The following GABRB1 variants were observed in gnomAD, a reference collection of about 807,000 sequenced individuals.
GABRB1 encodes gamma-aminobutyric acid receptor subunit beta-1.
GABRB1 carries 17 observed loss-of-function variants against 51.6 expected under a neutral mutation model. That is an observed-to-expected ratio of 0.33 (90% CI 0.23 to 0.49). GABRB1 has a LOEUF of 0.49. Ranked by LOEUF, GABRB1 falls within the 20% of genes least tolerant of loss-of-function variation. GABRB1 has a pLI of 0.99. For synonymous variants in GABRB1, 247 were observed against 218.9 expected (o/e 1.13, Z -1.14); for missense variants, 410 against 600.6 (o/e 0.68, Z 3.32).
chr4:47,074,276 G>A (rs957456830), intron 3 of GABRB1, among the ~76,000 whole-genome samples: 1 of 152,134 alleles, frequency 6.6e-6, no homozygotes, highest in Non-Finnish European at 1.5e-5. Context: ...ATGCTCAAAC[G>A]TATCATTGAA....
chr4:47,218,513 T>G (rs185892385), intron 4 of GABRB1, among the ~76,000 whole-genome samples: 4 of 152,092 alleles, frequency 2.6e-5, no homozygotes, highest in Admixed American at 2.6e-4. Context: ...TTTGTCTTTT[T>G]GATTATAGCC....
At chr4:47,227,701 G>A (rs538720522) in intron 4 of GABRB1, among the ~76,000 whole-genome samples, 29 of 152,228 alleles carry the variant, frequency 1.9e-4, no homozygotes, top group African/African-American at 6.3e-4. Context: ...TAGTTTGGTA[G>A]GGCTGCCATA....
At chr4:47,219,269 G>A (rs1720675145) in intron 4 of GABRB1, among the ~76,000 whole-genome samples, 1 of 151,766 alleles carries the variant, frequency 6.6e-6, no homozygotes, top group Admixed American at 6.6e-5. Context: ...AATTCTATAA[G>A]GAATTGGCTG....
At chr4:47,051,214 T>C (rs964695228) in intron 3 of GABRB1, among the ~76,000 whole-genome samples, 1 of 152,118 alleles carries the variant, frequency 6.6e-6, no homozygotes, top group African/African-American at 2.4e-5. Flanking sequence ...TAATGGGCAA[T>C]ATCCGGAATA....
chr4:47,309,923 C>G (rs1724606328), intron 4 of GABRB1, among the ~76,000 whole-genome samples: 1 of 152,072 alleles, frequency 6.6e-6, no homozygotes, highest in Admixed American at 6.5e-5. Flanking sequence ...AAAGTGATAG[C>G]AGCTACTGTT....
intron 4 of GABRB1, among the ~76,000 whole-genome samples, chr4:47,265,537 G>A (rs1349024488): frequency 6.6e-6 from 1 of 152,088 alleles, no homozygotes; most frequent in Non-Finnish European, 1.5e-5. Context: ...CATAGAGGTT[G>A]TACTAGTTTA....
chr4:47,242,462 A>T (rs1721560953), intron 4 of GABRB1, among the ~76,000 whole-genome samples: 1 of 152,208 alleles, frequency 6.6e-6, no homozygotes. Flanking sequence ...GAATCACCAC[A>T]CTGTCTTCCA....
chr4:47,016,820 C>T (rs191019840), intron 1 of GABRB1, among the ~76,000 whole-genome samples: 1 of 152,242 alleles, frequency 6.6e-6, no homozygotes, highest in Non-Finnish European at 1.5e-5. Flanking sequence ...CAACTCCTGA[C>T]TTCAGGTGAT....
rs1314150370 is a variant in GABRB1 at position 47,349,407 on chromosome 4, T to G, written c.544+29198T>G. 3.3e-5 allele frequency among the ~76,000 whole-genome samples: 5 copies of G among 152,166 alleles called. No individual in the cohort carries two copies. In the East Asian group the frequency reaches 9.6e-4, roughly 29 times the overall value. On this transcript the variant is annotated intron_variant, in intron 5 of 8. Coordinates refer to ENST00000295454, the MANE Select transcript of GABRB1 (RefSeq NM_000812.4). Reference sequence around the variant, plus strand: ...CAGAGGCCAAGGAAAGAAAGGACAGTAGTACCTCCCTTACCCATGGTTTCT... The same window carrying G: ...CAGAGGCCAAGGAAAGAAAGGACAGGAGTACCTCCCTTACCCATGGTTTCT...
At chr4:47,300,265 A>T (rs1039002562) in intron 4 of GABRB1, among the ~76,000 whole-genome samples, 16 of 151,986 alleles carry the variant, frequency 1.1e-4, no homozygotes, top group Admixed American at 4.6e-4. Context: ...AATTAAAATT[A>T]AAAAAGTGTT....
intron 4 of GABRB1, among the ~76,000 whole-genome samples, chr4:47,312,780 A>G (rs1724750391): frequency 6.6e-6 from 1 of 152,200 alleles, no homozygotes; most frequent in Non-Finnish European, 1.5e-5. Context: ...AACTGAGCAT[A>G]CATAATTTGT....
At chr4:47,249,818 C>T (rs1178538712) in intron 4 of GABRB1, among the ~76,000 whole-genome samples, 4 of 151,962 alleles carry the variant, frequency 2.6e-5, no homozygotes, top group African/African-American at 9.7e-5. Flanking sequence ...TTATGTGATC[C>T]CTTATGTGTT....
At chr4:47,415,000 G>A (rs1728867495) in intron 8 of GABRB1, among the ~76,000 whole-genome samples, 1 of 152,168 alleles carries the variant, frequency 6.6e-6, no homozygotes, top group South Asian at 2.1e-4. Context: ...GATAGTTCAT[G>A]AATTTCTTTA....
intron 4 of GABRB1, among the ~76,000 whole-genome samples, chr4:47,314,820 T>C (rs1172027020): frequency 6.6e-6 from 1 of 151,986 alleles, no homozygotes; most frequent in Non-Finnish European, 1.5e-5. Context: ...AAAATCAGGA[T>C]GCCCTTATAA....
At chr4:47,379,062 G>T (rs1322244811) in intron 5 of GABRB1, among the ~76,000 whole-genome samples, 2 of 152,160 alleles carry the variant, frequency 1.3e-5, no homozygotes, top group Non-Finnish European at 2.9e-5. Context: ...GTGAGATGTG[G>T]ATAGGTCAAT....
chr4:47,186,181 T>C (rs551660944), intron 4 of GABRB1, among the ~76,000 whole-genome samples: 1 of 142,150 alleles, frequency 7.0e-6, no homozygotes, highest in East Asian at 2.4e-4. Context: ...TTCCTAAATA[T>C]ACCTTCAGTT....
chr4:46,998,593 G>A (rs1340910374), intron 1 of GABRB1, among the ~76,000 whole-genome samples: 1 of 151,948 alleles, frequency 6.6e-6, no homozygotes. Flanking sequence ...AATTAGCCAG[G>A]CGTGGTGGCA....
chr4:47,146,106 T>C (rs561115616), intron 3 of GABRB1, among the ~76,000 whole-genome samples: 187 of 152,160 alleles, frequency 1.2e-3, no homozygotes, highest in South Asian at 2.5e-3. Flanking sequence ...GGTATCACTT[T>C]AGCGGTCACA....
intron 5 of GABRB1, among the ~76,000 whole-genome samples, chr4:47,367,300 TTAGACTGTAAGCAACTTTAGAAAGC>T (rs1289134186): frequency 6.6e-6 from 1 of 152,230 alleles, no homozygotes; most frequent in Non-Finnish European, 1.5e-5. Context: ...AAGTCCCTGC[TTAGACTGTAAGCAACTTTAGAAAGC>T]TACCATGTCT....
Sources: allele counts gnomAD v4.1 joint callset (sites outside exome capture counted in the v4.1 genomes callset), GRCh38; gene constraint gnomAD v4.1.1; transcripts MANE v1.5; gene names NCBI Gene and HGNC (gene_info 2026-07-23, HGNC 2026-07-21).